The following GRIP1 variants were observed in gnomAD, a reference collection of about 807,000 sequenced individuals.
The protein encoded by GRIP1 is glutamate receptor-interacting protein 1.
GRIP1 carries 45 observed loss-of-function variants against 129.9 expected under a neutral mutation model. That is an observed-to-expected ratio of 0.35 (90% CI 0.27 to 0.44). The LOEUF is 0.44. GRIP1 is among the 20% of genes least tolerant of loss of function. The probability of loss-of-function intolerance (pLI) is 1.00; values close to 1 mark genes in which losing one functional copy is unlikely to be tolerated. For synonymous variants in GRIP1, 530 were observed against 520.8 expected (o/e 1.02, Z -0.24); for missense variants, 1,196 against 1,396.8 (o/e 0.86, Z 2.29).
chr12:66,768,963 G>C (rs888613358), intron 1 of GRIP1, among the ~76,000 whole-genome samples: 2 of 152,174 alleles, frequency 1.3e-5, no homozygotes, highest in African/African-American at 4.8e-5. Context: ...AGCCACTCTT[G>C]AGAACCAATG....
intron 1 of GRIP1, among the ~76,000 whole-genome samples, chr12:66,964,150 T>C (rs1390704385): frequency 1.3e-5 from 2 of 152,196 alleles, no homozygotes; most frequent in Non-Finnish European, 1.5e-5. Flanking sequence ...CCCGCAGTGC[T>C]GCCAAAGTGA....
At chr12:66,402,448 C>T (rs2057036484) in intron 16 of GRIP1, among the ~76,000 whole-genome samples, 1 of 152,196 alleles carries the variant, frequency 6.6e-6, no homozygotes, top group African/African-American at 2.4e-5. Flanking sequence ...GTTCTACCAT[C>T]TCCTTGGGTA....
chr12:66,374,110 C>G (rs1312701523), intron 22 of GRIP1, among the ~76,000 whole-genome samples: 1 of 152,110 alleles, frequency 6.6e-6, no homozygotes, highest in African/African-American at 2.4e-5. Context: ...TTGATTGAAA[C>G]CTTTCTTTAC....
At chr12:66,865,369 A>G (rs908096209) in intron 1 of GRIP1, among the ~76,000 whole-genome samples, 1 of 152,134 alleles carries the variant, frequency 6.6e-6, no homozygotes, top group Non-Finnish European at 1.5e-5. Flanking sequence ...CTTTTTCTCA[A>G]GATTATAACT....
chr12:66,836,371 CT>C (rs1026557727), intron 1 of GRIP1, among the ~76,000 whole-genome samples: 3 of 152,160 alleles, frequency 2.0e-5, no homozygotes, highest in Non-Finnish European at 4.4e-5. Flanking sequence ...ATCCACAGCC[CT>C]TTTATATAAG....
At chr12:66,931,142 G>C (rs191309628) in intron 1 of GRIP1, among the ~76,000 whole-genome samples, 1 of 152,272 alleles carries the variant, frequency 6.6e-6, no homozygotes, top group Non-Finnish European at 1.5e-5. Flanking sequence ...GAAAATAAAA[G>C]GGAAAAGCAA....
chr12:66,563,178 CTGTG>C (rs916631817), intron 2 of GRIP1, among the ~76,000 whole-genome samples: 4 of 151,466 alleles, frequency 2.6e-5, no homozygotes, highest in Admixed American at 6.6e-5. Flanking sequence ...ACTATATACA[CTGTG>C]TGTGTGTATA....
intron 1 of GRIP1, among the ~76,000 whole-genome samples, chr12:66,689,304 GA>G (rs2034894363): frequency 6.6e-6 from 1 of 152,186 alleles, no homozygotes; most frequent in African/African-American, 2.4e-5. Context: ...GGGCACATGG[GA>G]AAGCCAAGGG....
chr12:66,688,770 T>TG lies in GRIP1; in HGVS notation c.-419-58435dup, dbSNP rs201453559. 5.7e-3 allele frequency among the ~76,000 whole-genome samples: 819 copies of TG among 144,802 alleles called. 8 individuals are homozygous for TG. Among genetic ancestry groups the TG allele is most frequent in the African/African-American group, 0.02 (783 of 39,148 alleles). The allele number at this position is 144,802 out of a possible 152,430, so 95.0% of individuals were successfully genotyped here. On this transcript the variant is annotated intron_variant, in intron 1 of 4. Coordinates refer to the GRIP1 transcript ENST00000538373. The stretch of plus-strand genomic sequence containing the variant: ...ACTTTCAATCACCAATCACTGACTC[T>TG]GAAAAAAAAAAAAAAGGAAAGGCAT...
At chr12:66,889,429 C>G (rs1240186261) in intron 1 of GRIP1, among the ~76,000 whole-genome samples, 1 of 152,148 alleles carries the variant, frequency 6.6e-6, no homozygotes, top group Admixed American at 6.5e-5. Context: ...CCATTGCACT[C>G]CAGCCTGGGC....
chr12:66,367,719 A>G (rs1446657753), intron 23 of GRIP1, among the ~76,000 whole-genome samples: 6 of 152,244 alleles, frequency 3.9e-5, no homozygotes, highest in African/African-American at 1.2e-4. Flanking sequence ...GAGTGGGGGT[A>G]TACACGTGTA....
intron 1 of GRIP1, among the ~76,000 whole-genome samples, chr12:67,017,590 C>T (rs1361763051): frequency 1.3e-5 from 2 of 152,092 alleles, no homozygotes; most frequent in East Asian, 1.9e-4. Flanking sequence ...AATCAAAAGG[C>T]GGACTCTCTT....
At chr12:66,662,040 T>G (rs1264456787) in intron 1 of GRIP1, among the ~76,000 whole-genome samples, 2 of 152,122 alleles carry the variant, frequency 1.3e-5, no homozygotes, top group East Asian at 3.9e-4. Flanking sequence ...TTCTAAAGTA[T>G]CCATACTCCT....
At chr12:66,866,768 AAATAT>A (rs2040212646) in intron 1 of GRIP1, among the ~76,000 whole-genome samples, 1 of 152,168 alleles carries the variant, frequency 6.6e-6, no homozygotes, top group Non-Finnish European at 1.5e-5. Context: ...AAAAATTTAA[AAATAT>A]ATATACTGTA....
chr12:66,568,985 T>C, intron 2 of GRIP1: 1 of 498,908 alleles, frequency 2.0e-6, no homozygotes, highest in Non-Finnish European at 4.0e-6. Flanking sequence ...ACAAGATTAA[T>C]AGTACTTATA....
intron 1 of GRIP1, among the ~76,000 whole-genome samples, chr12:66,628,614 G>C (rs926725111): frequency 2.6e-5 from 4 of 152,150 alleles, no homozygotes; most frequent in Non-Finnish European, 4.4e-5. Context: ...AAAATTTCTT[G>C]TAATTTTCCT....
At position 66,711,239 on chromosome 12, in the gene GRIP1, G is replaced by A. The variant is rs1017309383; in HGVS notation, c.-419-80903C>T. Reference sequence around the variant, plus strand: ...AATGAGACTATGGGATTTTAATAAAGGGTATCCCTAAAAGCATCCATTTAA... The same window carrying A: ...AATGAGACTATGGGATTTTAATAAAAGGTATCCCTAAAAGCATCCATTTAA... On this transcript the variant is annotated intron_variant, in intron 1 of 4. Coordinates refer to the GRIP1 transcript ENST00000538373. Among the ~76,000 whole-genome samples, 4 of 151,772 alleles carry A rather than the reference G, an allele frequency of 2.6e-5. No homozygotes were observed. The South Asian group carries it at 8.3e-4, about 31-fold the overall frequency.
intron 1 of GRIP1, among the ~76,000 whole-genome samples, chr12:66,871,264 T>G (rs960940094): frequency 3.9e-5 from 6 of 152,144 alleles, no homozygotes; most frequent in Non-Finnish European, 8.8e-5. Context: ...AATCACCTGA[T>G]GAAAATACGT....
rs1373804465 is a variant in GRIP1, at chr12:66,523,968, A to G, written c.502+5863T>C. Among the ~76,000 whole-genome samples the G allele has an allele frequency of 7.2e-5, 11 of 152,330 alleles. No homozygotes were observed. The East Asian group carries it at 1.7e-3, about 24-fold the overall frequency. On this transcript the variant is annotated intron_variant, in intron 5 of 24. Coordinates refer to ENST00000359742, the MANE Select transcript of GRIP1 (RefSeq NM_001366722.1). Reference sequence around the variant, plus strand: ...TAATGGTAAAGGGATCAATTCAACAAGAAGAGCTAACTATCCTAAATATAT... The same window carrying G: ...TAATGGTAAAGGGATCAATTCAACAGGAAGAGCTAACTATCCTAAATATAT...
Sources: allele counts gnomAD v4.1 joint callset (sites outside exome capture counted in the v4.1 genomes callset), GRCh38; gene constraint gnomAD v4.1.1; transcripts MANE v1.5; gene names NCBI Gene and HGNC (gene_info 2026-07-23, HGNC 2026-07-21).